Variants in TOP2A observed in about 807,000 individuals in gnomAD.
TOP2A encodes DNA topoisomerase II alpha.
TOP2A carries 68 observed loss-of-function variants against 187.2 expected under a neutral mutation model. The observed-to-expected ratio is 0.36, with a 90% CI of 0.30 to 0.44. TOP2A has a LOEUF of 0.44. Among genes scored for constraint, TOP2A ranks in the 20% least tolerant of loss-of-function variants. The pLI, the probability that TOP2A is intolerant of heterozygous loss-of-function variation, is 1.00. For missense variants in TOP2A, 1,196 were observed against 1,808.7 expected (o/e 0.66, Z 6.14); for synonymous variants, 542 against 593.2 (o/e 0.91, Z 1.25).
At position 40,399,932 on chromosome 17, in the gene TOP2A, C is replaced by T; in HGVS notation, c.3136G>A (p.Ala1046Thr). ...AAGCGAGCCTGATTATTCAGTTTAGCAGATTCAGCACCAAGCATTCCTAGG... is the reference window on the plus strand; with the variant it reads ...AAGCGAGCCTGATTATTCAGTTTAGTAGATTCAGCACCAAGCATTCCTAGG... Reference protein sequence around the residue: ...WLLGMLGAESAKLNNQARFIL... With the variant: ...WLLGMLGAESTKLNNQARFIL... The change falls in exon 24 of 35, where the codon GCT becomes ACT. Residue 1046 changes from alanine (A) to threonine (T), a missense_variant. Physicochemically the swap from Ala to Thr is moderately conservative, Grantham distance 58 (BLOSUM62 0). This residue lies in a region of TOP2A where 232 missense variants were observed against 306.1 expected (regional missense o/e 0.76). Coordinates refer to ENST00000423485, the MANE Select transcript of TOP2A (RefSeq NM_001067.4). 6.2e-7 allele frequency: 1 copy of T among 1,612,508 alleles called. No individual in the cohort carries two copies. The highest frequency in any genetic ancestry group is 8.5e-7 in the Non-Finnish European group (1 of 1,179,346).
rs561362194 is a variant in TOP2A at position 40,416,395 on chromosome 17, G to A, written c.268+27C>T. ...ATACTTCTTATGAAAGATTTGACCA[G>A]ATCTTTATATTAAAGGATTTACTCA... On this transcript the variant is annotated intron_variant, in intron 3 of 34. Coordinates refer to ENST00000423485, the MANE Select transcript of TOP2A (RefSeq NM_001067.4). 4.4e-6 allele frequency: 6 copies of A among 1,362,532 alleles called. No individual in the cohort carries two copies. In the South Asian group the frequency reaches 7.8e-5, roughly 18 times the overall value. The allele number at this position is 1,362,532 out of a possible 1,614,324, so 84.4% of individuals were successfully genotyped here.
rs1161142983 is a variant in TOP2A, at chr17:40,392,361, C to CA, written c.3965-21dup. ...TTTTTGCTAGTAAAAAAACCATATACAAAAAAATCAAAGAGGGTAGTAGGA... is the reference window on the plus strand; with the variant it reads ...TTTTTGCTAGTAAAAAAACCATATACAAAAAAAATCAAAGAGGGTAGTAGGA... On this transcript the variant is annotated intron_variant, in intron 30 of 34. Transcript: ENST00000423485. 4 of 1,568,614 alleles carry CA rather than the reference C, an allele frequency of 2.6e-6. No individual in the cohort carries two copies. The highest frequency in any genetic ancestry group is 3.5e-6 in the Non-Finnish European group (4 of 1,155,750).
Position 40,416,835 on chromosome 17 carries a change from G to C in TOP2A, c.82C>G (p.Leu28Val). 6.2e-7 allele frequency: 1 copy of C among 1,612,122 alleles called. No homozygotes were observed. The highest frequency in any genetic ancestry group is 1.1e-5 in the South Asian group (1 of 90,698). ...IKKNEDAKKR[L>V]SVERIYQKKT... is the part of the protein sequence containing the mutation. ...TTTTGATAGATTCTTTCAACAGACA[G>C]TCTTTTCTTAGCATCTTCATTTTTC... The change falls in exon 2 of 35, where the codon CTG becomes GTG. Residue 28 changes from leucine (L) to valine (V), a missense_variant. Physicochemically the swap from Leu to Val is conservative, Grantham distance 32 (BLOSUM62 1). This residue lies in a region of TOP2A where 97 missense variants were observed against 171.0 expected (regional missense o/e 0.57). Coordinates refer to ENST00000423485, the MANE Select transcript of TOP2A (RefSeq NM_001067.4).
intron 29 of TOP2A, among the ~76,000 whole-genome samples, chr17:40,394,042 G>T (rs2035059316): frequency 6.7e-6 from 1 of 148,326 alleles, no homozygotes; most frequent in South Asian, 2.2e-4. Context: ...TGCCAGCCTG[G>T]GCGACAGAGC....
At chr17:40,389,908 T>C (rs1469535136) in intron 34 of TOP2A, 57 bp downstream of exon 34, 1 of 1,511,212 alleles carries the variant, frequency 6.6e-7, no homozygotes, top group Non-Finnish European at 8.9e-7. Context: ...GAGCAATGGC[T>C]TAGTTACGTG....
intron 11 of TOP2A, 79 bp from the exon 12 acceptor site, chr17:40,408,203 G>T: frequency 2.6e-6 from 3 of 1,162,874 alleles, no homozygotes. Context: ...GCTGTTTATA[G>T]CCTTGTGATA....
rs760208505 is a variant in TOP2A at position 40,413,638 on chromosome 17, G to T, written c.333-13C>A. 2.4e-6 allele frequency: 3 copies of T among 1,228,038 alleles called. No homozygotes were observed. Among genetic ancestry groups the T allele is most frequent in the Admixed American group, 2.8e-5 (1 of 35,460 alleles). The allele number at this position is 1,228,038 out of a possible 1,614,324, so 76.1% of individuals were successfully genotyped here. The stretch of plus-strand genomic sequence containing the variant: ...TAAATTGTTTTCCCTAAGAAAAAAA[G>T]ATTGAAAATTGTATTTTACAACACA... On this transcript the variant is annotated splice_polypyrimidine_tract_variant and intron_variant, in intron 4 of 34. Transcript: ENST00000423485.
chr17:40,410,969 A>G, intron 10 of TOP2A, 140 bp downstream of exon 10: 1 of 808,152 alleles, frequency 1.2e-6, no homozygotes, highest in Non-Finnish European at 1.9e-6. Flanking sequence ...GTTAAAGTAA[A>G]GCCCTTTTTT....
chr17:40,417,376 A>G (rs957298550), intron 1 of TOP2A, among the ~76,000 whole-genome samples: 2 of 152,104 alleles, frequency 1.3e-5, no homozygotes, highest in Admixed American at 1.3e-4. Context: ...GCTGCTCCAG[A>G]GAAACACTGT....
chr17:40,406,810 T>C, intron 14 of TOP2A, 22 bp downstream of exon 14: 1 of 1,584,622 alleles, frequency 6.3e-7, no homozygotes. Context: ...ATATCCATGA[T>C]GGTACTTAGA....
At chr17:40,404,959 C>A in intron 16 of TOP2A, 76 bp from the exon 17 acceptor site, 1 of 863,256 alleles carries the variant, frequency 1.2e-6, no homozygotes. Flanking sequence ...CTACAAAGAA[C>A]GAACAACAGA....
chr17:40,414,838 A>G (rs2035370375), intron 4 of TOP2A, among the ~76,000 whole-genome samples: 1 of 150,088 alleles, frequency 6.7e-6, no homozygotes, highest in Non-Finnish European at 1.5e-5. Flanking sequence ...ACTGGGCAAT[A>G]AGAGCAAAAC....
intron 4 of TOP2A, among the ~76,000 whole-genome samples, chr17:40,415,702 C>T: frequency 6.6e-6 from 1 of 152,140 alleles, no homozygotes; most frequent in East Asian, 1.9e-4. Context: ...TGGCACACAC[C>T]CATAATGCCA....
rs746061375 is a variant in TOP2A, at chr17:40,404,851, C to T, written c.1986G>A (p.Lys662=). The change falls in exon 17 of 35, where the codon AAG becomes AAA. Residue 662 remains lysine, a synonymous_variant. Transcript: ENST00000423485. ...CCTCCATGAAATTAGTTAACCATTCCTTTCGATCATCTATCTGTTTTTTGC... is the reference window on the plus strand; with the variant it reads ...CCTCCATGAAATTAGTTAACCATTCTTTTCGATCATCTATCTGTTTTTTGC... The part of the protein sequence containing the change: ...AFSKKQIDDR[K]EWLTNFMEDR... 1.5e-5 allele frequency: 24 copies of T among 1,599,136 alleles called. No individual in the cohort carries two copies. In the South Asian group the frequency reaches 2.6e-4, roughly 17 times the overall value.
rs1315277468 is a variant in TOP2A at position 40,392,712 on chromosome 17, T to C, written c.3837A>G (p.Thr1279=). The change falls in exon 30 of 35, where the codon ACA becomes ACG. Residue 1279 remains threonine, a synonymous_variant. Transcript: ENST00000423485. ...EPGTKTKKQT[T]LAFKPIKKGK... Reference sequence around the variant, plus strand: ...CTTTTTTGATTGGCTTAAATGCCAATGTAGTTTGTTTCTTTGTCTTTGTAC... The same window carrying C: ...CTTTTTTGATTGGCTTAAATGCCAACGTAGTTTGTTTCTTTGTCTTTGTAC... The C allele has an allele frequency of 1.9e-6, 3 of 1,611,828 alleles. No homozygotes were observed. Among genetic ancestry groups the C allele is most frequent in the Non-Finnish European group, 2.5e-6 (3 of 1,179,734 alleles).
intron 4 of TOP2A, 123 bp from the exon 5 acceptor site, chr17:40,413,748 C>A: frequency 2.1e-6 from 1 of 468,774 alleles, no homozygotes; most frequent in Non-Finnish European, 3.5e-6. Flanking sequence ...GTGGCCTGTG[C>A]CTGTAATCCC....
chr17:40,415,192 C>G (rs1280248693), intron 4 of TOP2A, among the ~76,000 whole-genome samples: 1 of 151,568 alleles, frequency 6.6e-6, no homozygotes, highest in East Asian at 2.0e-4. Flanking sequence ...GTAGCTGGGA[C>G]TACAGGCGCC....
chr17:40,398,110 CTTTTTT>C (rs1048890086), intron 27 of TOP2A, among the ~76,000 whole-genome samples: 1 of 127,650 alleles, frequency 7.8e-6, no homozygotes, highest in Non-Finnish European at 1.7e-5. Flanking sequence ...TAATCTGTCC[CTTTTTT>C]TTTTTTTTTT....
In TOP2A at chr17:40,398,753, C is replaced by A. The variant is rs2035135395; in HGVS notation, c.3453+20G>T. On this transcript the variant is annotated intron_variant, in intron 26 of 34. Transcript: ENST00000423485. ...ATAGAACAAAACTAAGCAGCATGTA[C>A]CATCCTACTATCAACTCACTTTTTC... 2 of 1,607,130 alleles carry A rather than the reference C, an allele frequency of 1.2e-6. No individual in the cohort carries two copies. Among genetic ancestry groups the A allele is most frequent in the Non-Finnish European group, 1.7e-6 (2 of 1,177,950 alleles).
Sources: gnomAD v4.1 joint callset for allele counts (sites outside exome capture counted in the v4.1 genomes callset) on GRCh38, gnomAD v4.1.1 for gene constraint, gnomAD v4.1.1 regional missense constraint, MANE v1.5 for transcripts, NCBI Gene and HGNC (gene_info 2026-07-23, HGNC 2026-07-21) for gene names.